RSRP1: variants seen among roughly 807,000 people sequenced by gnomAD.
RSRP1 encodes the protein arginine and serine rich protein 1, also known as arginine/serine-rich protein 1.
Under a neutral mutation model 33.0 loss-of-function variants are expected in RSRP1, and 37 were observed. The observed-to-expected ratio is 1.12, with a 90% CI of 0.86 to 1.48. The LOEUF is 1.48. Ranked by LOEUF, RSRP1 falls within the 40% of genes most tolerant of loss-of-function variation. The probability of loss-of-function intolerance (pLI) is 0.00; values close to 1 mark genes in which losing one functional copy is unlikely to be tolerated. For synonymous variants in RSRP1, 167 were observed against 158.7 expected, an observed-to-expected ratio of 1.05 and a Z score of -0.40; for missense variants, 402 against 385.3, an observed-to-expected ratio of 1.04 and a Z score of -0.36.
Position 25,331,245 on chromosome 1 carries a change from C to T in RSRP1, c.-67+6733G>A, listed in dbSNP as rs1276495638. Among the ~76,000 whole-genome samples the T allele has an allele frequency of 2.3e-5, 3 of 131,022 alleles. 1 individual carries two copies. Among genetic ancestry groups the T allele is most frequent in the East Asian group, 4.0e-4 (2 of 5,058 alleles). 86.0% of individuals were successfully genotyped at this position (131,022 alleles called of 152,430 possible). ...CCTCCCAAAGTGCTAGGATTACAGGCGTGAGCCACCGCACCCGGCCTCTTC... is the reference window on the plus strand; with the variant it reads ...CCTCCCAAAGTGCTAGGATTACAGGTGTGAGCCACCGCACCCGGCCTCTTC... On this transcript the variant is annotated intron_variant, in intron 1 of 1. Transcript: ENST00000561867.
chr1:25,284,995 C>T (rs191408707), intron 1 of RSRP1, among the ~76,000 whole-genome samples: 5 of 135,144 alleles, frequency 3.7e-5, no homozygotes, highest in Non-Finnish European at 8.8e-5. Context: ...GGCCTACATT[C>T]CTCCTGCATC....
chr1:25,247,023 G>A lies in RSRP1; in HGVS notation c.-60C>T, dbSNP rs1014435347. 58 of 1,444,068 alleles carry A rather than the reference G, an allele frequency of 4.0e-5. No individual in the cohort carries two copies. The highest frequency in any genetic ancestry group is 4.8e-5 in the Non-Finnish European group (52 of 1,081,500). The allele number at this position is 1,444,068 out of a possible 1,614,324, so 89.5% of individuals were successfully genotyped here. On this transcript the variant is annotated 5_prime_UTR_variant, in exon 2 of 5. Transcript: ENST00000243189. ...AAAGGATCCCGCAAGCCTCAACTCA[G>A]GACTTCCTAAAAAACCAAGAGAGAA...
chr1:25,276,360 C>T (rs1180802639), intron 1 of RSRP1, among the ~76,000 whole-genome samples: 3 of 123,974 alleles, frequency 2.4e-5, no homozygotes, highest in African/African-American at 8.4e-5. Flanking sequence ...CACGTAGGGT[C>T]ATCGTGCTGT....
chr1:25,263,805 A>G (rs1350573022), intron 1 of RSRP1, among the ~76,000 whole-genome samples: 3 of 152,112 alleles, frequency 2.0e-5, no homozygotes, highest in South Asian at 4.1e-4. Context: ...AGTCCTTTCC[A>G]TTTATGAGCC....
chr1:25,249,076 G>C (rs1639684331), upstream of RSRP1, among the ~76,000 whole-genome samples: 1 of 152,176 alleles, frequency 6.6e-6, no homozygotes, highest in Non-Finnish European at 1.5e-5. Context: ...TTGAACCTGA[G>C]AGGCGGAGGT....
At position 25,274,742 on chromosome 1, in the gene RSRP1, C is replaced by T. The variant is rs1243033659; in HGVS notation, c.-66-27713G>A. Among the ~76,000 whole-genome samples the T allele has an allele frequency of 2.2e-5, 3 of 134,198 alleles. 1 individual carries two copies. The highest frequency in any genetic ancestry group is 7.2e-5 in the Admixed American group (1 of 13,892). 88.0% of individuals were successfully genotyped at this position (134,198 alleles called of 152,430 possible). A position where few individuals can be genotyped will look rare whatever the true frequency, so the allele number is the denominator to read the frequency against. On this transcript the variant is annotated intron_variant, in intron 1 of 1. Transcript: ENST00000561867. ...AAACAAAGGGCCGGGCGACGTGGCT[C>T]ACGCCTGTAATCCCGGCACATTGGG...
At position 25,270,851 on chromosome 1, in the gene RSRP1, G is replaced by C. The variant is rs1640478259; in HGVS notation, c.-66-23822C>G. On this transcript the variant is annotated intron_variant, in intron 1 of 1. Transcript: ENST00000561867. Reference sequence around the variant, plus strand: ...AAGTACTTAGAATGGTGCCTAGCAAGTACTTAATAACAGTTAGCTCTGAAA... The same window carrying C: ...AAGTACTTAGAATGGTGCCTAGCAACTACTTAATAACAGTTAGCTCTGAAA... Among the ~76,000 whole-genome samples, 2 of 131,700 alleles carry C rather than the reference G, an allele frequency of 1.5e-5. 1 individual carries two copies. The highest frequency in any genetic ancestry group is 3.6e-5 in the Non-Finnish European group (2 of 55,656). The allele number at this position is 131,700 out of a possible 152,430, so 86.4% of individuals were successfully genotyped here.
chr1:25,313,639 C>A (rs1034377493), intron 1 of RSRP1, among the ~76,000 whole-genome samples: 2 of 131,992 alleles, frequency 1.5e-5, no homozygotes, highest in African/African-American at 5.2e-5. Context: ...TCATGCAGGG[C>A]CACACAAAAC....
intron 1 of RSRP1, among the ~76,000 whole-genome samples, chr1:25,275,038 CA>C (rs1640832237): frequency 7.6e-6 from 1 of 131,016 alleles, no homozygotes; most frequent in Non-Finnish European, 1.8e-5. Context: ...CCTGTAATCC[CA>C]AACACTTTGG....
At chr1:25,281,480 T>C (rs1641484337) in intron 1 of RSRP1, among the ~76,000 whole-genome samples, 2 of 131,934 alleles carry the variant, frequency 1.5e-5, no homozygotes, top group African/African-American at 5.2e-5. Context: ...CAATCGTGTT[T>C]AATAAAAGGT....
In RSRP1 at chr1:25,247,313, C is replaced by T; in HGVS notation, c.-71G>A. On this transcript the variant is annotated 5_prime_UTR_variant, in exon 1 of 5. The change creates a new upstream start codon in the 5' untranslated region. Coordinates refer to ENST00000243189, the MANE Select transcript of RSRP1 (RefSeq NM_020317.5). ...CCCCGTCAGCAGAAAACTTACCGCACGCCGTCGACGCCTCCCTCACGACTG... is the reference window on the plus strand; with the variant it reads ...CCCCGTCAGCAGAAAACTTACCGCATGCCGTCGACGCCTCCCTCACGACTG... The T allele has an allele frequency of 3.7e-6, 1 of 267,144 alleles. No individual in the cohort carries two copies. The highest frequency in any genetic ancestry group is 5.0e-5 in the Admixed American group (1 of 19,982). 16.5% of individuals were successfully genotyped at this position (267,144 alleles called of 1,614,324 possible).
chr1:25,297,630 C>G lies in RSRP1; in HGVS notation c.-67+40348G>C, dbSNP rs1248614245. On this transcript the variant is annotated intron_variant, in intron 1 of 1. Coordinates refer to the RSRP1 transcript ENST00000561867. ...AAGCTTTCGCTTCTCTGTTCATCCA[C>G]TCATCTATGTACTTATTTATATCAC... Among the ~76,000 whole-genome samples, 4 of 131,812 alleles carry G rather than the reference C, an allele frequency of 3.0e-5. 2 individuals are homozygous for G. Among genetic ancestry groups the G allele is most frequent in the Non-Finnish European group, 7.2e-5 (4 of 55,916 alleles). The allele number at this position is 131,812 out of a possible 152,430, so 86.5% of individuals were successfully genotyped here.
rs1490449728 is a variant in RSRP1 at position 25,266,462 on chromosome 1, T to C, written c.-66-19433A>G. Reference sequence around the variant, plus strand: ...CACTAGATTCCTCCACCCTGAGACATTAAACAATCACGATAAACCTCCTGA... The same window carrying C: ...CACTAGATTCCTCCACCCTGAGACACTAAACAATCACGATAAACCTCCTGA... On this transcript the variant is annotated intron_variant, in intron 1 of 1. Transcript: ENST00000561867. Among the ~76,000 whole-genome samples, 6 of 129,204 alleles carry C rather than the reference T, an allele frequency of 4.6e-5. 1 individual carries two copies. The highest frequency in any genetic ancestry group is 1.7e-4 in the African/African-American group (6 of 36,196). The allele number at this position is 129,204 out of a possible 152,430, so 84.8% of individuals were successfully genotyped here.
Position 25,292,364 on chromosome 1 carries a change from A to T in RSRP1, c.-66-45335T>A, listed in dbSNP as rs1474890960. Among the ~76,000 whole-genome samples the T allele has an allele frequency of 2.3e-5, 3 of 132,730 alleles. 1 individual carries two copies. Among genetic ancestry groups the T allele is most frequent in the Non-Finnish European group, 5.4e-5 (3 of 55,996 alleles). 87.1% of individuals were successfully genotyped at this position (132,730 alleles called of 152,430 possible). Reference sequence around the variant, plus strand: ...GCAAGAGAGGAAGCAGGTGGAGACCAGAGCGGCAGTGATTGCCATCATCCA... The same window carrying T: ...GCAAGAGAGGAAGCAGGTGGAGACCTGAGCGGCAGTGATTGCCATCATCCA... On this transcript the variant is annotated intron_variant, in intron 1 of 1. Transcript: ENST00000561867.
At position 25,245,290 on chromosome 1, in the gene RSRP1, G is replaced by C. The variant is rs769775882; in HGVS notation, c.532C>G (p.Leu178Val). The C allele has an allele frequency of 2.5e-6, 4 of 1,610,544 alleles. 1 individual carries two copies. In the Admixed American group the frequency reaches 6.7e-5, roughly 27 times the overall value. ...FRLSEKDRMELLEIAKTNAAK... is the reference protein window; with the variant it reads ...FRLSEKDRMEVLEIAKTNAAK... ...GCATTGGTTTTTGCTATTTCTAACA[G>C]CTCCATTCGATCTAAAAAAAAAAGA... Residue 178 changes from leucine to valine, a missense_variant, in exon 3 of 5, where the codon CTG (leucine) becomes GTG (valine). Coordinates refer to ENST00000243189, the MANE Select transcript of RSRP1 (RefSeq NM_020317.5).
chr1:25,244,274 CCCA>C, intron 3 of RSRP1: 14 of 1,288,736 alleles, frequency 1.1e-5, no homozygotes, highest in Non-Finnish European at 1.4e-5. Context: ...TCACAGATGC[CCCA>C]CCGTTACAAC....
chr1:25,289,566 A>G (rs941926529), intron 1 of RSRP1, among the ~76,000 whole-genome samples: 2 of 128,956 alleles, frequency 1.6e-5, no homozygotes, highest in Non-Finnish European at 3.7e-5. Flanking sequence ...ATAATAAATC[A>G]TTATCATCAC....
intron 1 of RSRP1, among the ~76,000 whole-genome samples, chr1:25,271,908 A>AC (rs1166382253): frequency 3.8e-5 from 5 of 130,434 alleles, no homozygotes; most frequent in South Asian, 2.4e-4. Flanking sequence ...CTCTTCTGCC[A>AC]CCCCCCCTTA....
intron 1 of RSRP1, among the ~76,000 whole-genome samples, chr1:25,321,498 TAAAAA>T (rs1214598540): frequency 3.9e-5 from 3 of 76,334 alleles, no homozygotes; most frequent in South Asian, 3.9e-4. Flanking sequence ...CCATCTCTAC[TAAAAA>T]AAAAAAAAAA....
Sources: gnomAD v4.1 joint callset for allele counts (sites outside exome capture counted in the v4.1 genomes callset) on GRCh38, gnomAD v4.1.1 for gene constraint, MANE v1.5 for transcripts, NCBI Gene and HGNC (gene_info 2026-07-23, HGNC 2026-07-21) for gene names.